The following SHISA9 variants were observed in gnomAD, a reference collection of about 807,000 sequenced individuals.
SHISA9 encodes shisa family member 9.
SHISA9 carries 13 observed loss-of-function variants against 38.0 expected under a neutral mutation model. The ratio of observed to expected loss-of-function variants is 0.34; its 90% CI spans 0.22 to 0.54. The LOEUF (loss-of-function observed/expected upper bound fraction) is 0.54. SHISA9 is among the 20% of genes least tolerant of loss of function. The pLI is 0.91. For missense variants in SHISA9, 538 were observed against 575.8 expected (o/e 0.93, Z 0.67); for synonymous variants, 275 against 242.0 (o/e 1.14, Z -1.27).
the SHISA9 span, among the ~76,000 whole-genome samples, chr16:13,253,557 A>G: frequency 6.6e-6 from 1 of 152,218 alleles, no homozygotes; most frequent in African/African-American, 2.4e-5. Flanking sequence ...GCATTGTGGC[A>G]GGCAAGAGAG....
At chr16:13,341,704 C>G in the SHISA9 span, among the ~76,000 whole-genome samples, 3,173 of 152,258 alleles carry the variant, frequency 0.021, 110 homozygotes, top group African/African-American at 0.073. Context: ...TTTAAACACG[C>G]TTTCCTCCCA....
At chr16:13,478,587 C>G in the SHISA9 span, among the ~76,000 whole-genome samples, 3 of 152,160 alleles carry the variant, frequency 2.0e-5, no homozygotes, top group Admixed American at 2.0e-4. Flanking sequence ...AAGGTCTGTT[C>G]CACTCTAATA....
the SHISA9 span, among the ~76,000 whole-genome samples, chr16:13,365,363 A>G: frequency 2.0e-5 from 3 of 152,110 alleles, no homozygotes; most frequent in African/African-American, 4.8e-5. Context: ...AGCATGCTCT[A>G]ACATTTATTG....
the SHISA9 span, among the ~76,000 whole-genome samples, chr16:13,455,490 T>C: frequency 6.6e-6 from 1 of 152,148 alleles, no homozygotes; most frequent in Non-Finnish European, 1.5e-5. Context: ...GTTCACATGG[T>C]GGATGAGAGA....
chr16:13,218,930 G>C (rs904711567), intron 4 of SHISA9, among the ~76,000 whole-genome samples: 13 of 152,192 alleles, frequency 8.5e-5, no homozygotes, highest in African/African-American at 3.1e-4. Context: ...TGAAATTTGG[G>C]CTTTTGCAAT....
intron 2 of SHISA9, among the ~76,000 whole-genome samples, chr16:13,021,523 A>G (rs979262479): frequency 2.0e-5 from 3 of 152,186 alleles, no homozygotes; most frequent in Non-Finnish European, 4.4e-5. Flanking sequence ...ACCCACTAGT[A>G]AAACGTGGCT....
the SHISA9 span, among the ~76,000 whole-genome samples, chr16:13,250,825 G>A: frequency 6.6e-6 from 1 of 152,126 alleles, no homozygotes; most frequent in East Asian, 1.9e-4. Context: ...AGATGGTGAG[G>A]CAAACCCTAA....
intron 2 of SHISA9, among the ~76,000 whole-genome samples, chr16:13,080,386 A>C (rs78366923): frequency 0.055 from 8,346 of 152,184 alleles, 368 homozygotes; most frequent in Admixed American, 0.14. Context: ...AAAATAAATA[A>C]ATAAGTAAAA....
chr16:12,976,169 C>T (rs2072159148), intron 2 of SHISA9, among the ~76,000 whole-genome samples: 1 of 152,108 alleles, frequency 6.6e-6, no homozygotes, highest in Non-Finnish European at 1.5e-5. Flanking sequence ...CTCACTGTAA[C>T]CTCTGCTTCT....
chr16:13,117,007 G>A (rs1009648145), intron 2 of SHISA9, among the ~76,000 whole-genome samples: 4 of 152,154 alleles, frequency 2.6e-5, no homozygotes, highest in Admixed American at 2.6e-4. Context: ...GTCTCACTCT[G>A]TTGCCCAGGC....
chr16:13,298,147 G>A, the SHISA9 span, among the ~76,000 whole-genome samples: 11 of 152,214 alleles, frequency 7.2e-5, no homozygotes, highest in South Asian at 6.2e-4. Context: ...CATGGACACC[G>A]GCTGCTCTTC....
At chr16:13,226,487 T>C (rs147059715) in intron 4 of SHISA9, among the ~76,000 whole-genome samples, 1 of 152,340 alleles carries the variant, frequency 6.6e-6, no homozygotes, top group African/African-American at 2.4e-5. Flanking sequence ...TCTTCATCTA[T>C]AACTCAGATA....
chr16:13,168,431 C>A (rs61537982), intron 2 of SHISA9, among the ~76,000 whole-genome samples: 2 of 152,198 alleles, frequency 1.3e-5, no homozygotes, highest in African/African-American at 4.8e-5. Context: ...CACCTGGAAG[C>A]GGCTTACATC....
At chr16:13,278,202 A>G in the SHISA9 span, among the ~76,000 whole-genome samples, 2 of 152,110 alleles carry the variant, frequency 1.3e-5, no homozygotes, top group African/African-American at 2.4e-5. Flanking sequence ...AGTTCTGTTT[A>G]CGTGGTGTAT....
intron 4 of SHISA9, among the ~76,000 whole-genome samples, chr16:13,220,497 C>T (rs1046266513): frequency 1.3e-5 from 2 of 152,178 alleles, no homozygotes; most frequent in Non-Finnish European, 2.9e-5. Flanking sequence ...TCCCAAATCT[C>T]ATAATTATCT....
rs2072814331 is a variant in SHISA9, at chr16:13,019,873, TCCC to T, written c.691+103059_691+103061del. On this transcript the variant is annotated intron_variant, in intron 2 of 4. Coordinates refer to ENST00000558583, the MANE Select transcript of SHISA9 (RefSeq NM_001145204.3). ...CTCCCTCCCTCCCTCCCTCCCTCCC[TCCC>T]TCCCTCCCTTCTTTCTTTCTTTCTT... is the stretch of plus-strand genomic sequence containing the variant. 2.6e-4 allele frequency among the ~76,000 whole-genome samples: 9 copies of T among 34,778 alleles called. 2 individuals carry two copies. Among genetic ancestry groups the T allele is most frequent in the Admixed American group, 7.0e-4 (2 of 2,858 alleles). The allele number at this position is 34,778 out of a possible 152,430, so 22.8% of individuals were successfully genotyped here. A position where few individuals can be genotyped will look rare whatever the true frequency, so the allele number is the denominator to read the frequency against.
At position 12,965,127 on chromosome 16, in the gene SHISA9, T is replaced by A. The variant is rs2071960746; in HGVS notation, c.691+48312T>A. Among the ~76,000 whole-genome samples, 5 of 152,142 alleles carry A rather than the reference T, an allele frequency of 3.3e-5. No homozygotes were observed. The South Asian group carries it at 1.0e-3, about 32-fold the overall frequency. ...ATGTCACCAAGTTATTGGTTTTGTG[T>A]TGACATCTCAGCCTCCAGGAAATTT... On this transcript the variant is annotated intron_variant, in intron 2 of 4. Transcript: ENST00000558583.
chr16:13,222,807 TATATACATACACAC>T (rs149158719), intron 4 of SHISA9, among the ~76,000 whole-genome samples: 34,752 of 141,344 alleles, frequency 0.25, 4,487 homozygotes, highest in East Asian at 0.43. Context: ...TATATATATA[TATATACATACACAC>T]ACCACAAGGT....
chr16:13,155,807 C>G (rs1350893389), intron 2 of SHISA9, among the ~76,000 whole-genome samples: 1 of 152,082 alleles, frequency 6.6e-6, no homozygotes, highest in Non-Finnish European at 1.5e-5. Context: ...CCCCCTCTCC[C>G]CCTACCCCTA....
Sources: allele counts gnomAD v4.1 joint callset (sites outside exome capture counted in the v4.1 genomes callset), GRCh38; gene constraint gnomAD v4.1.1; transcripts MANE v1.5; gene names NCBI Gene and HGNC (gene_info 2026-07-23, HGNC 2026-07-21).